Variants in MUSK observed in about 807,000 individuals in gnomAD.
MUSK encodes the protein muscle associated receptor tyrosine kinase.
A neutral mutation model predicts 88.7 loss-of-function variants in MUSK; 55 were observed. That is an observed-to-expected ratio of 0.62 (90% confidence interval 0.50 to 0.78). The LOEUF is 0.78. MUSK is among the 30% of genes least tolerant of loss of function. The pLI, the probability that MUSK is intolerant of heterozygous loss-of-function variation, is 0.00. For missense variants in MUSK, 1,015 were observed against 1,074.3 expected, an observed-to-expected ratio of 0.94 and a Z score of 0.77; for synonymous variants, 387 against 391.9, an observed-to-expected ratio of 0.99 and a Z score of 0.15.
chr9:110,695,010 A>G (rs1342088455), intron 3 of MUSK, among the ~76,000 whole-genome samples: 5 of 152,070 alleles, frequency 3.3e-5, no homozygotes, highest in Non-Finnish European at 7.4e-5. Flanking sequence ...GTAAGAATAT[A>G]GTTATATCAA....
intron 5 of MUSK, among the ~76,000 whole-genome samples, chr9:110,725,596 C>A (rs757001613): frequency 1.3e-5 from 2 of 152,038 alleles, no homozygotes; most frequent in South Asian, 2.1e-4. Context: ...ACAGTTCCAA[C>A]AAAATAGGAT....
rs917795978 is a variant in MUSK, at chr9:110,695,285, T to C, written c.359-118T>C. On this transcript the variant is annotated intron_variant, in intron 3 of 14. Transcript: ENST00000374448. ...TCTTTGCATTTGGTGAATTTTGTAA[T>C]GTAACATGCCTCAAATGATTCTCAA... 1.7e-5 allele frequency: 12 copies of C among 711,194 alleles called. No individual in the cohort carries two copies. In the South Asian group the frequency reaches 3.4e-4, roughly 20 times the overall value. 44.1% of individuals were successfully genotyped at this position (711,194 alleles called of 1,614,324 possible).
In MUSK at chr9:110,785,698, T is replaced by G; in HGVS notation, c.1758T>G (p.Phe586Leu). 2 of 1,605,154 alleles carry G rather than the reference T, an allele frequency of 1.2e-6. No homozygotes were observed. Among genetic ancestry groups the G allele is most frequent in the Non-Finnish European group, 1.7e-6 (2 of 1,174,878 alleles). ...EYVRDIGEGA[F>L]GRVFQARAPG... ...TGAGAGACATCGGAGAGGGAGCGTT[T>G]GGAAGGGTGTTTCAAGCAAGGTAAA... Residue 586 changes from phenylalanine to leucine, a missense_variant, in exon 13 of 15, where the codon TTT becomes TTG. Coordinates refer to ENST00000374448, the MANE Select transcript of MUSK (RefSeq NM_005592.4).
At chr9:110,799,785 G>A (rs2078063755) in intron 14 of MUSK, among the ~76,000 whole-genome samples, 1 of 152,172 alleles carries the variant, frequency 6.6e-6, no homozygotes, top group Non-Finnish European at 1.5e-5. Context: ...CTCTGTGAAA[G>A]GATGACAGTA....
chr9:110,765,765 G>T (rs962241198), intron 8 of MUSK, among the ~76,000 whole-genome samples: 1 of 152,018 alleles, frequency 6.6e-6, no homozygotes, highest in Non-Finnish European at 1.5e-5. Flanking sequence ...GTAGAGACTG[G>T]GTTTCTCGAT....
chr9:110,749,630 G>A (rs1032391687), intron 7 of MUSK, among the ~76,000 whole-genome samples: 2 of 152,210 alleles, frequency 1.3e-5, no homozygotes, highest in African/African-American at 4.8e-5. Flanking sequence ...AGATGCTGAG[G>A]TGTTAGGAGG....
At chr9:110,678,640 T>A (rs73536273) in intron 1 of MUSK, among the ~76,000 whole-genome samples, 3,455 of 152,260 alleles carry the variant, frequency 0.023, 129 homozygotes, top group African/African-American at 0.079. Context: ...AATTCTTAAT[T>A]CTTTAGATTT....
chr9:110,671,992 A>G (rs1219905330), intron 1 of MUSK, among the ~76,000 whole-genome samples: 1 of 152,206 alleles, frequency 6.6e-6, no homozygotes, highest in East Asian at 1.9e-4. Context: ...TTGTATGTAT[A>G]TAAGGATAGG....
chr9:110,775,152 A>G (rs2077646844), intron 9 of MUSK, among the ~76,000 whole-genome samples: 1 of 152,210 alleles, frequency 6.6e-6, no homozygotes, highest in South Asian at 2.1e-4. Flanking sequence ...GTAGATGAAC[A>G]TAACAGCTTC....
At chr9:110,771,161 CTT>C (rs34185224) in intron 9 of MUSK, among the ~76,000 whole-genome samples, 4 of 96,430 alleles carry the variant, frequency 4.1e-5, no homozygotes, top group Admixed American at 1.4e-4. Flanking sequence ...TCATTTCCTT[CTT>C]TTTTTTTTTT....
intron 14 of MUSK, among the ~76,000 whole-genome samples, chr9:110,798,394 A>T (rs1361984081): frequency 6.6e-6 from 1 of 152,208 alleles, no homozygotes; most frequent in East Asian, 1.9e-4. Flanking sequence ...AAATATGCAG[A>T]ATTTTAGAAT....
chr9:110,689,770 TC>T (rs2076283054), intron 3 of MUSK, among the ~76,000 whole-genome samples: 1 of 75,090 alleles, frequency 1.3e-5, no homozygotes, highest in African/African-American at 6.0e-5. Flanking sequence ...ACTATATATA[TC>T]ACATATAGTT....
At chr9:110,684,479 TA>T (rs1249079398) in intron 2 of MUSK, among the ~76,000 whole-genome samples, 3 of 149,360 alleles carry the variant, frequency 2.0e-5, no homozygotes, top group Non-Finnish European at 4.4e-5. Context: ...TGGTTTCACA[TA>T]AATTTTAGGA....
chr9:110,746,623 T>C (rs1012372208), intron 6 of MUSK, among the ~76,000 whole-genome samples: 1 of 152,224 alleles, frequency 6.6e-6, no homozygotes, highest in Non-Finnish European at 1.5e-5. Context: ...TGTGTCAATA[T>C]TGCATTGATA....
intron 9 of MUSK, among the ~76,000 whole-genome samples, chr9:110,770,434 T>C (rs1441600417): frequency 6.8e-6 from 1 of 146,372 alleles, no homozygotes; most frequent in Non-Finnish European, 1.5e-5. Flanking sequence ...ATTGATATAA[T>C]TTACAATTAT....
intron 1 of MUSK, among the ~76,000 whole-genome samples, chr9:110,673,609 A>G (rs2075988567): frequency 6.6e-6 from 1 of 152,146 alleles, no homozygotes; most frequent in Non-Finnish European, 1.5e-5. Context: ...CTATTTTCCA[A>G]GACATTCTAA....
At chr9:110,675,126 G>C (rs2076007540) in intron 1 of MUSK, among the ~76,000 whole-genome samples, 1 of 151,650 alleles carries the variant, frequency 6.6e-6, no homozygotes, top group Non-Finnish European at 1.5e-5. Flanking sequence ...CTATAGCTGA[G>C]ACACTGAGGT....
chr9:110,785,890 A>G lies in MUSK; in HGVS notation c.1778+172A>G, dbSNP rs563991479. 4.5e-5 allele frequency among the ~76,000 whole-genome samples: 6 copies of G among 133,412 alleles called. No individual in the cohort carries two copies. The South Asian group carries it at 7.3e-4, about 16-fold the overall frequency. The allele number at this position is 133,412 out of a possible 152,430, so 87.5% of individuals were successfully genotyped here. A position where few individuals can be genotyped will look rare whatever the true frequency, so the allele number is the denominator to read the frequency against. ...ACATATATATGTACACTGTGTGTGT[A>G]TATATATATACACACACACATATAC... On this transcript the variant is annotated intron_variant, in intron 13 of 14. Transcript: ENST00000374448.
intron 1 of MUSK, among the ~76,000 whole-genome samples, chr9:110,678,392 C>A (rs1173008956): frequency 6.6e-6 from 1 of 152,152 alleles, no homozygotes; most frequent in Non-Finnish European, 1.5e-5. Context: ...GATCATCCTG[C>A]CTCAGCCTCC....
Sources: allele counts gnomAD v4.1 joint callset (sites outside exome capture counted in the v4.1 genomes callset), GRCh38; gene constraint gnomAD v4.1.1; transcripts MANE v1.5; gene names NCBI Gene and HGNC (gene_info 2026-07-23, HGNC 2026-07-21).